ANKFN1: variants seen among roughly 807,000 people sequenced by gnomAD.
The protein encoded by ANKFN1 is ankyrin repeat and fibronectin type-III domain-containing protein 1.
ANKFN1 carries 74 observed loss-of-function variants against 108.7 expected under a neutral mutation model. That is an observed-to-expected ratio of 0.68 (90% CI 0.56 to 0.83). The LOEUF (loss-of-function observed/expected upper bound fraction) is 0.83, where lower values mean the gene tolerates loss of function less well. Ranked by LOEUF, ANKFN1 falls within the 40% of genes least tolerant of loss-of-function variation. ANKFN1 has a pLI of 0.00. For synonymous variants in ANKFN1, 547 were observed against 516.2 expected, an observed-to-expected ratio of 1.06 and a Z score of -0.81; for missense variants, 1,505 against 1,382.3, an observed-to-expected ratio of 1.09 and a Z score of -1.41.
At chr17:56,093,154 CG>C (rs2143198760) in intron 4 of ANKFN1, among the ~76,000 whole-genome samples, 1 of 151,274 alleles carries the variant, frequency 6.6e-6, no homozygotes, top group South Asian at 2.1e-4. Flanking sequence ...GCCACCTTGG[CG>C]GGGAGAGAGG....
At chr17:56,315,077 C>T (rs2045160532) in intron 3 of ANKFN1, among the ~76,000 whole-genome samples, 1 of 152,082 alleles carries the variant, frequency 6.6e-6, no homozygotes, top group African/African-American at 2.4e-5. Flanking sequence ...TCTCTTCAGC[C>T]TATTTGTTTT....
chr17:56,304,525 G>A (rs906140977), intron 3 of ANKFN1, among the ~76,000 whole-genome samples: 2 of 152,068 alleles, frequency 1.3e-5, no homozygotes, highest in African/African-American at 4.8e-5. Context: ...GCAGTTGCTG[G>A]AATATATGTT....
chr17:56,334,484 T>C (rs1046046646), intron 4 of ANKFN1, among the ~76,000 whole-genome samples: 2 of 152,166 alleles, frequency 1.3e-5, no homozygotes, highest in African/African-American at 4.8e-5. Flanking sequence ...TTATTTTATG[T>C]TAATTATACC....
At chr17:56,482,704 C>G (rs570852025) in intron 18 of ANKFN1, 180 bp downstream of exon 18, 1 of 589,794 alleles carries the variant, frequency 1.7e-6, no homozygotes, top group African/African-American at 1.9e-5. Context: ...AGACTATGTG[C>G]CTGAGCAATA....
At chr17:56,420,234 C>A (rs1465074989) in intron 8 of ANKFN1, among the ~76,000 whole-genome samples, 1 of 152,134 alleles carries the variant, frequency 6.6e-6, no homozygotes, top group African/African-American at 2.4e-5. Context: ...CACTAGAGAA[C>A]CTGCTGACTT....
intron 4 of ANKFN1, among the ~76,000 whole-genome samples, chr17:56,073,618 A>AT (rs1304990159): frequency 1.3e-5 from 2 of 152,194 alleles, no homozygotes. Context: ...GTTTCAAAAC[A>AT]TTTTTGTCAC....
intron 8 of ANKFN1, among the ~76,000 whole-genome samples, chr17:56,413,006 A>T (rs540593324): frequency 1.3e-5 from 2 of 152,020 alleles, no homozygotes; most frequent in African/African-American, 4.8e-5. Flanking sequence ...TATTGTTTCT[A>T]TAGTGTCTTG....
In ANKFN1 at chr17:56,492,317, C is replaced by A. The variant is rs1045457660; in HGVS notation, c.2391C>A (p.Ala797=). 1.0e-5 allele frequency: 7 copies of A among 702,428 alleles called. No homozygotes were observed. Among genetic ancestry groups the A allele is most frequent in the Non-Finnish European group, 1.8e-5 (7 of 384,642 alleles). The allele number at this position is 702,428 out of a possible 1,614,324, so 43.5% of individuals were successfully genotyped here. Residue 797 remains alanine, a synonymous_variant, in exon 19 of 21, where the codon GCC becomes GCA. Transcript: ENST00000682825. Reference sequence around the variant, plus strand: ...TCTCAGACAGCGAGGTTGCAGCTGCCAAACAAAGACACCAGCAAGTTTTAG... The same window carrying A: ...TCTCAGACAGCGAGGTTGCAGCTGCAAAACAAAGACACCAGCAAGTTTTAG... ...EAISDSEVAA[A]KQRHQQVLDF...
At chr17:56,478,190 CA>C (rs2145354545) in intron 16 of ANKFN1, among the ~76,000 whole-genome samples, 1 of 152,274 alleles carries the variant, frequency 6.6e-6, no homozygotes, top group South Asian at 2.1e-4. Context: ...GGCATGAGCC[CA>C]TTAAAGAGGA....
chr17:56,493,270 C>A (rs1192589733), intron 19 of ANKFN1, among the ~76,000 whole-genome samples: 1 of 152,034 alleles, frequency 6.6e-6, no homozygotes, highest in African/African-American at 2.4e-5. Flanking sequence ...AACAAACAAA[C>A]AAACAAATAA....
At chr17:56,116,055 A>T (rs1274550440) in intron 4 of ANKFN1, among the ~76,000 whole-genome samples, 1 of 152,198 alleles carries the variant, frequency 6.6e-6, no homozygotes, top group African/African-American at 2.4e-5. Flanking sequence ...TCATAACTCA[A>T]TTCAAACATC....
At chr17:56,183,457 C>G (rs117643055) in intron 1 of ANKFN1, among the ~76,000 whole-genome samples, 1 of 152,120 alleles carries the variant, frequency 6.6e-6, no homozygotes, top group East Asian at 1.9e-4. Flanking sequence ...TTGGATCATG[C>G]GGGCAGATCC....
chr17:56,295,578 G>C (rs951057136), intron 3 of ANKFN1, among the ~76,000 whole-genome samples: 2 of 152,070 alleles, frequency 1.3e-5, no homozygotes, highest in Non-Finnish European at 2.9e-5. Flanking sequence ...AAGAAATCTG[G>C]GTTCCACCAT....
intron 2 of ANKFN1, among the ~76,000 whole-genome samples, chr17:56,223,255 C>T (rs1000228329): frequency 9.9e-5 from 15 of 152,038 alleles, no homozygotes; most frequent in African/African-American, 2.2e-4. Flanking sequence ...TTCTGGAAAA[C>T]GGGGGTGTTG....
chr17:56,168,441 T>G (rs1323155781), intron 1 of ANKFN1, among the ~76,000 whole-genome samples: 1 of 152,210 alleles, frequency 6.6e-6, no homozygotes, highest in Non-Finnish European at 1.5e-5. Context: ...TTATTATTCC[T>G]TTTTCATTTC....
chr17:56,110,526 C>T (rs759562442), intron 4 of ANKFN1, among the ~76,000 whole-genome samples: 11 of 152,096 alleles, frequency 7.2e-5, no homozygotes, highest in Non-Finnish European at 1.5e-4. Context: ...CTCTTTTGCT[C>T]GCCTTATAAC....
chr17:56,319,475 G>C (rs1159051912), intron 3 of ANKFN1, among the ~76,000 whole-genome samples: 2 of 152,112 alleles, frequency 1.3e-5, no homozygotes, highest in Admixed American at 6.6e-5. Flanking sequence ...CCAGAGGAAC[G>C]GCCAAAATGA....
intron 1 of ANKFN1, among the ~76,000 whole-genome samples, chr17:56,210,053 G>GATAGATAC (rs1405139899): frequency 7.6e-6 from 1 of 132,410 alleles, no homozygotes; most frequent in Admixed American, 8.0e-5. Flanking sequence ...TAGATAGATA[G>GATAGATAC]ATAGATACAT....
chr17:56,443,020 C>T (rs183029997), intron 10 of ANKFN1, 87 bp downstream of exon 10: 1 of 1,342,976 alleles, frequency 7.4e-7, no homozygotes, highest in Admixed American at 1.8e-5. Context: ...ATTCCCTTCC[C>T]CCACTGCTTG....
Sources: allele counts gnomAD v4.1 joint callset (sites outside exome capture counted in the v4.1 genomes callset), GRCh38; gene constraint gnomAD v4.1.1; transcripts MANE v1.5; gene names NCBI Gene and HGNC (gene_info 2026-07-23, HGNC 2026-07-21).